MICAL3: variants seen among roughly 807,000 people sequenced by gnomAD.
The protein encoded by MICAL3 is microtubule associated monooxygenase, calponin and LIM domain containing 3, also known as [F-actin]-monooxygenase MICAL3.
Under a neutral mutation model 207.4 loss-of-function variants are expected in MICAL3, and 62 were observed. That is an observed-to-expected ratio of 0.30 (90% CI 0.24 to 0.37). The LOEUF (loss-of-function observed/expected upper bound fraction) is 0.37, where lower values mean the gene tolerates loss of function less well. Among genes scored for constraint, MICAL3 ranks in the 10% least tolerant of loss-of-function variants. The pLI is 1.00. For synonymous variants in MICAL3, 1,077 were observed against 1,069.3 expected, an observed-to-expected ratio of 1.01 and a Z score of -0.14; for missense variants, 2,368 against 2,635.6, an observed-to-expected ratio of 0.90 and a Z score of 2.22.
intron 1 of MICAL3, among the ~76,000 whole-genome samples, chr22:17,994,857 CTCTCCTGCCAGAGTTAACCAGACCGAA>C (rs1159961691): frequency 5.9e-5 from 9 of 152,242 alleles, no homozygotes; most frequent in Middle Eastern, 3.4e-3. Flanking sequence ...CTGTCCATCC[CTCTCCTGCCAGAGTTAACCAGACCGAA>C]TCTCCTGCCA....
At chr22:17,844,268 A>AC (rs1309186640) in intron 19 of MICAL3, among the ~76,000 whole-genome samples, 3 of 152,180 alleles carry the variant, frequency 2.0e-5, no homozygotes, top group African/African-American at 7.2e-5. Flanking sequence ...GCTCTAGGAG[A>AC]CAACGCTGGG....
At chr22:17,960,033 A>G (rs549536283) in intron 1 of MICAL3, among the ~76,000 whole-genome samples, 1 of 152,308 alleles carries the variant, frequency 6.6e-6, no homozygotes, top group African/African-American at 2.4e-5. Flanking sequence ...TGATGAGCAA[A>G]AGGAGGCTTC....
At chr22:17,966,205 C>A (rs538931920) in intron 1 of MICAL3, among the ~76,000 whole-genome samples, 1 of 152,134 alleles carries the variant, frequency 6.6e-6, no homozygotes, top group African/African-American at 2.4e-5. Context: ...AATTTCCAGT[C>A]CCTGACTCTG....
At chr22:17,941,092 C>A (rs1933784790) in intron 1 of MICAL3, among the ~76,000 whole-genome samples, 1 of 152,194 alleles carries the variant, frequency 6.6e-6, no homozygotes, top group African/African-American at 2.4e-5. Flanking sequence ...TGCTTCCACT[C>A]CGTCTCAAAC....
chr22:17,921,127 G>A (rs992872576), intron 1 of MICAL3, among the ~76,000 whole-genome samples: 2 of 152,074 alleles, frequency 1.3e-5, no homozygotes, highest in African/African-American at 2.4e-5. Context: ...TCACAGGTAC[G>A]GGGACATAAG....
At chr22:17,988,084 TGGGGACAGCTAACAATGCTGATGGAAGTC>T (rs1921232632) in intron 1 of MICAL3, among the ~76,000 whole-genome samples, 1 of 151,940 alleles carries the variant, frequency 6.6e-6, no homozygotes, top group African/African-American at 2.4e-5. Flanking sequence ...CAGGGAGACA[TGGGGACAGCTAACAATGCTGATGGAAGTC>T]TGCGAGCATC....
chr22:17,964,518 G>C (rs1935059616), intron 1 of MICAL3, among the ~76,000 whole-genome samples: 1 of 152,204 alleles, frequency 6.6e-6, no homozygotes. Flanking sequence ...AACAGGGCAA[G>C]GGTGGGGATG....
intron 1 of MICAL3, among the ~76,000 whole-genome samples, chr22:18,007,695 T>TGTAATCCCA (rs200394631): frequency 0.086 from 13,029 of 151,222 alleles, 616 homozygotes; most frequent in African/African-American, 0.13. Context: ...GGCTCACGCC[T>TGTAATCCCA]GTAATCCCAG....
intron 20 of MICAL3, among the ~76,000 whole-genome samples, chr22:17,836,403 A>G (rs1923369508): frequency 1.3e-5 from 2 of 152,160 alleles, no homozygotes; most frequent in African/African-American, 4.8e-5. Context: ...TCATTTGCAT[A>G]AGGAGAAGTC....
At chr22:17,842,775 T>A (rs61626259) in intron 19 of MICAL3, among the ~76,000 whole-genome samples, 1 of 152,130 alleles carries the variant, frequency 6.6e-6, no homozygotes, top group Non-Finnish European at 1.5e-5. Context: ...TCGTCGGCGA[T>A]CTTGGCCGGA....
chr22:17,865,852 C>T (rs1012181531), intron 18 of MICAL3, 72 bp downstream of exon 18: 31 of 1,330,036 alleles, frequency 2.3e-5, no homozygotes, highest in Non-Finnish European at 2.9e-5. Flanking sequence ...GCAGGTTGGC[C>T]GCCCCCGGCC....
intron 9 of MICAL3, 69 bp from the exon 10 acceptor site, chr22:17,895,479 T>C: frequency 1.3e-6 from 2 of 1,572,198 alleles, no homozygotes; most frequent in Non-Finnish European, 1.7e-6. Flanking sequence ...CGTTTCATGA[T>C]TGTTCTGACA....
At chr22:17,918,519 C>A (rs1036853915) in intron 1 of MICAL3, among the ~76,000 whole-genome samples, 1 of 152,170 alleles carries the variant, frequency 6.6e-6, no homozygotes. Context: ...AGCAGCAGCA[C>A]ATATCACGTA....
intron 1 of MICAL3, among the ~76,000 whole-genome samples, chr22:17,924,068 C>A (rs1932858263): frequency 6.6e-6 from 1 of 152,176 alleles, no homozygotes; most frequent in South Asian, 2.1e-4. Flanking sequence ...AGAGAACTCA[C>A]TATCACAAGA....
At chr22:17,970,021 C>T (rs954978258) in intron 1 of MICAL3, among the ~76,000 whole-genome samples, 1 of 152,218 alleles carries the variant, frequency 6.6e-6, no homozygotes, top group Non-Finnish European at 1.5e-5. Context: ...GTCCACATCT[C>T]TGCCCTGGCT....
In MICAL3 at chr22:17,891,628, AGACTCT is replaced by A; in HGVS notation, c.1547-2_1550del. 6.2e-7 allele frequency: 1 copy of A among 1,613,890 alleles called. No individual in the cohort carries two copies. The highest frequency in any genetic ancestry group is 1.3e-5 in the African/African-American group (1 of 75,050). Reference sequence around the variant, plus strand: ...CCAGCAGTTTGCTTGAACGAGCTACAGACTCTAAAACAACAAAACACAGTATTATTG... The same window carrying A: ...CCAGCAGTTTGCTTGAACGAGCTACAAAAACAACAAAACACAGTATTATTG... On this transcript the variant is annotated splice_acceptor_variant and coding_sequence_variant, in exon 12 of 32. Transcript: ENST00000441493. LOFTEE classifies it high-confidence loss of function.
chr22:17,996,519 G>C (rs1197077627), intron 1 of MICAL3, among the ~76,000 whole-genome samples: 1 of 151,222 alleles, frequency 6.6e-6, no homozygotes, highest in African/African-American at 2.4e-5. Context: ...CAGTTTTTTT[G>C]TGTCTTTATA....
At chr22:17,957,497 G>A (rs1419210348) in intron 1 of MICAL3, among the ~76,000 whole-genome samples, 1 of 152,118 alleles carries the variant, frequency 6.6e-6, no homozygotes, top group Non-Finnish European at 1.5e-5. Context: ...ATCACTTGAG[G>A]CCAGGAATTC....
chr22:17,795,394 T>C (rs760571731), intron 29 of MICAL3, among the ~76,000 whole-genome samples: 16 of 152,228 alleles, frequency 1.1e-4, no homozygotes, highest in Non-Finnish European at 1.8e-4. Flanking sequence ...TAGGCCATGC[T>C]GTGGAGCGGA....
Sources: allele counts gnomAD v4.1 joint callset (sites outside exome capture counted in the v4.1 genomes callset), GRCh38; gene constraint gnomAD v4.1.1; transcripts MANE v1.5; gene names NCBI Gene and HGNC (gene_info 2026-07-23, HGNC 2026-07-21).